KEL: variants seen among roughly 807,000 people sequenced by gnomAD.
KEL encodes the protein Kell metallo-endopeptidase (Kell blood group).
In KEL, 96 loss-of-function variants were observed where a neutral mutation model predicts 99.5. That is an observed-to-expected ratio of 0.97 (90% CI 0.82 to 1.14). The LOEUF is 1.14. KEL is among the 50% of genes most tolerant of loss of function. The pLI, the probability that KEL is intolerant of heterozygous loss-of-function variation, is 0.00. For synonymous variants in KEL, 355 were observed against 354.8 expected (o/e 1.00, Z -0.01); for missense variants, 926 against 924.2 (o/e 1.00, Z -0.03).
chr7:142,957,287 C>A (rs8175981), intron 6 of KEL, among the ~76,000 whole-genome samples: 2,070 of 152,222 alleles, frequency 0.014, 46 homozygotes, highest in African/African-American at 0.048. Flanking sequence ...TTCCTGGAAG[C>A]AGCAGTGAGT....
At chr7:142,946,155 C>T in intron 11 of KEL, 52 bp downstream of exon 11, 10 of 1,306,266 alleles carry the variant, frequency 7.7e-6, no homozygotes, top group African/African-American at 1.4e-5. Context: ...GGGAAGGCTG[C>T]TTTGGGTAGG....
At chr7:142,955,111 A>G (rs1394472886) in intron 6 of KEL, among the ~76,000 whole-genome samples, 1 of 152,146 alleles carries the variant, frequency 6.6e-6, no homozygotes, top group Non-Finnish European at 1.5e-5. Context: ...AGCTCTCTGA[A>G]CCTCTACTGC....
At chr7:142,946,501 C>T (rs1202547446) in intron 10 of KEL, 184 bp from the exon 11 acceptor site, 2 of 632,846 alleles carry the variant, frequency 3.2e-6, no homozygotes, top group Admixed American at 4.8e-5. Context: ...GCACAGCTTC[C>T]TCAGAGCTGG....
intron 10 of KEL, among the ~76,000 whole-genome samples, chr7:142,951,331 C>T (rs984328057): frequency 1.3e-5 from 2 of 152,162 alleles, no homozygotes; most frequent in Non-Finnish European, 2.9e-5. Context: ...GTAGCAACCC[C>T]AATTAAGATA....
intron 1 of KEL, 64 bp downstream of exon 1, chr7:142,962,140 G>T: frequency 6.2e-7 from 1 of 1,613,390 alleles, no homozygotes; most frequent in Non-Finnish European, 8.5e-7. Flanking sequence ...GTGGGGGCAG[G>T]ACTTTTGCAC....
In KEL at chr7:142,943,473, G is replaced by C; in HGVS notation, c.1703+13C>G. ...GGGAAACTCCCTACCTACCCTTACA[G>C]AGTGACCCATACCTGGGATAGCCAG... On this transcript the variant is annotated intron_variant, in intron 15 of 18. Coordinates refer to ENST00000355265, the MANE Select transcript of KEL (RefSeq NM_000420.3). 1 of 1,610,060 alleles carries C rather than the reference G, an allele frequency of 6.2e-7. No individual in the cohort carries two copies. Among genetic ancestry groups the C allele is most frequent in the Non-Finnish European group, 8.5e-7 (1 of 1,176,264 alleles).
At chr7:142,949,494 A>G (rs1253168302) in intron 10 of KEL, among the ~76,000 whole-genome samples, 1 of 152,078 alleles carries the variant, frequency 6.6e-6, no homozygotes, top group Non-Finnish European at 1.5e-5. Context: ...ACCTCCTAAC[A>G]TATTTTATTA....
intron 11 of KEL, among the ~76,000 whole-genome samples, chr7:142,945,489 T>C (rs1364453061): frequency 2.0e-5 from 3 of 152,248 alleles, no homozygotes; most frequent in African/African-American, 7.2e-5. Flanking sequence ...TGGTAGGTAC[T>C]CAGAAAGTAT....
intron 2 of KEL, 60 bp downstream of exon 2, chr7:142,961,734 AT>A (rs758608508): frequency 5.1e-5 from 75 of 1,457,674 alleles, no homozygotes; most frequent in Non-Finnish European, 7.0e-5. Context: ...TGTTTGTGGG[AT>A]TTTAGAGCCG....
chr7:142,953,888 A>C lies in KEL; in HGVS notation c.993T>G (p.Pro331=), dbSNP rs1198276961. Residue 331 remains proline, a synonymous_variant, in exon 9 of 19, where the codon CCT becomes CCG. Coordinates refer to ENST00000355265, the MANE Select transcript of KEL (RefSeq NM_000420.3). ...CGTCATGGACCACGAGGGACTGAGA[A>C]GGGCTCAGGGACATCGGTGTGAATG... ...QATFTPMSLS[P]SQSLVVHDVE... The C allele has an allele frequency of 1.9e-6, 3 of 1,614,218 alleles. No individual in the cohort carries two copies. In the South Asian group the frequency reaches 3.3e-5, roughly 18 times the overall value.
chr7:142,962,209 G>C lies in KEL; in HGVS notation c.-3C>G. On this transcript the variant is annotated 5_prime_UTR_variant, in exon 1 of 19. Coordinates refer to ENST00000355265, the MANE Select transcript of KEL (RefSeq NM_000420.3). Reference sequence around the variant, plus strand: ...GACTCCAAAAGGGGACTTACCATCTGTCTATCTTCTGTGGCTCCAGAATCC... The same window carrying C: ...GACTCCAAAAGGGGACTTACCATCTCTCTATCTTCTGTGGCTCCAGAATCC... 6.2e-7 allele frequency: 1 copy of C among 1,614,100 alleles called. No individual in the cohort carries two copies. Among genetic ancestry groups the C allele is most frequent in the Non-Finnish European group, 8.5e-7 (1 of 1,179,988 alleles).
rs1271118696 is a variant in KEL, at chr7:142,962,215, C to T, written c.-9G>A. The stretch of plus-strand genomic sequence containing the variant: ...AAAAGGGGACTTACCATCTGTCTAT[C>T]TTCTGTGGCTCCAGAATCCTTCCTG... On this transcript the variant is annotated 5_prime_UTR_variant, in exon 1 of 19. Transcript: ENST00000355265. 3.1e-6 allele frequency: 5 copies of T among 1,614,082 alleles called. No individual in the cohort carries two copies. The Middle Eastern group carries it at 4.9e-4, about 159-fold the overall frequency.
intron 1 of KEL, 121 bp downstream of exon 1, chr7:142,962,083 C>T: frequency 6.2e-7 from 1 of 1,613,152 alleles, no homozygotes; most frequent in Non-Finnish European, 8.5e-7. Flanking sequence ...TTACCTCCCT[C>T]TCTCCCCACC....
At chr7:142,954,056 G>T in intron 8 of KEL, 100 bp from the exon 9 acceptor site, 2 of 1,442,300 alleles carry the variant, frequency 1.4e-6, no homozygotes, top group Middle Eastern at 2.0e-4. Context: ...CAGGCTAACT[G>T]GGGGAGGGGA....
In KEL at chr7:142,952,576, CT is replaced by C. The variant is rs746371163; in HGVS notation, c.1135del (p.Ser379ValfsTer17). The C allele has an allele frequency of 6.2e-7, 1 of 1,614,132 alleles. No homozygotes were observed. Among genetic ancestry groups the C allele is most frequent in the Non-Finnish European group, 8.5e-7 (1 of 1,180,012 alleles). On this transcript the variant is annotated frameshift_variant, in exon 10 of 19. Coordinates refer to ENST00000355265, the MANE Select transcript of KEL (RefSeq NM_000420.3). LOFTEE classifies it high-confidence loss of function. ...LVVTLSPALD[S>X]QFQEARRKLS... ...CTTTCTGCGTGCCTCCTGGAATTGACTGTCCAGGGCTGGAGAAAGGGTCACC... is the reference window on the plus strand; with the variant it reads ...CTTTCTGCGTGCCTCCTGGAATTGACGTCCAGGGCTGGAGAAAGGGTCACC...
chr7:142,962,100 C>G, intron 1 of KEL, 104 bp downstream of exon 1: 1 of 1,614,004 alleles, frequency 6.2e-7, no homozygotes, highest in East Asian at 2.2e-5. Flanking sequence ...CACCTTTCTA[C>G]TCTGTAAGCC....
At chr7:142,958,898 T>C (rs1351937898) in intron 4 of KEL, among the ~76,000 whole-genome samples, 3 of 152,228 alleles carry the variant, frequency 2.0e-5, no homozygotes, top group Non-Finnish European at 4.4e-5. Context: ...CCCAGATCTT[T>C]AGACAAACTC....
In KEL at chr7:142,962,302, C is replaced by T. The variant is rs1028658594; in HGVS notation, c.-96G>A. 5 of 1,426,292 alleles carry T rather than the reference C, an allele frequency of 3.5e-6. No individual in the cohort carries two copies. Among genetic ancestry groups the T allele is most frequent in the African/African-American group, 1.4e-5 (1 of 71,320 alleles). The allele number at this position is 1,426,292 out of a possible 1,614,324, so 88.4% of individuals were successfully genotyped here. A position where few individuals can be genotyped will look rare whatever the true frequency, so the allele number is the denominator to read the frequency against. On this transcript the variant is annotated 5_prime_UTR_variant, in exon 1 of 19. Transcript: ENST00000355265. ...CAGGAAACACCCCCCGCCCCAGTTC[C>T]TTGATCCTGGAGAAGGGGCACTTCT...
chr7:142,953,510 C>T (rs1250943866), intron 9 of KEL: 1 of 551,024 alleles, frequency 1.8e-6, no homozygotes, highest in East Asian at 1.4e-4. Flanking sequence ...AGCTCAGAGG[C>T]TCTTGACTGG....
Sources: gnomAD v4.1 joint callset for allele counts (sites outside exome capture counted in the v4.1 genomes callset) on GRCh38, gnomAD v4.1.1 for gene constraint, MANE v1.5 for transcripts, NCBI Gene and HGNC (gene_info 2026-07-23, HGNC 2026-07-21) for gene names.